Variants in ULK2 observed in about 807,000 individuals in gnomAD.
ULK2 encodes the protein unc-51 like autophagy activating kinase 2, also known as serine/threonine-protein kinase ULK2.
ULK2 carries 76 observed loss-of-function variants against 127.5 expected under a neutral mutation model. The observed-to-expected ratio is 0.60, with a 90% CI of 0.50 to 0.72. ULK2 has a LOEUF of 0.72. Ranked by LOEUF, ULK2 falls within the 30% of genes least tolerant of loss-of-function variation. The pLI is 0.00. For synonymous variants in ULK2, 452 were observed against 461.9 expected (o/e 0.98, Z 0.28); for missense variants, 1,144 against 1,295.9 (o/e 0.88, Z 1.80).
chr17:19,839,964 TACACAC>T (rs60058833), intron 9 of ULK2, among the ~76,000 whole-genome samples: 19 of 147,592 alleles, frequency 1.3e-4, no homozygotes, highest in South Asian at 4.3e-4. Context: ...TACACACACA[TACACAC>T]ACACACACAC....
chr17:19,780,644 A>G lies in ULK2; in HGVS notation c.2759-15T>C. The G allele has an allele frequency of 6.3e-7, 1 of 1,593,522 alleles. No individual in the cohort carries two copies. Among genetic ancestry groups the G allele is most frequent in the Non-Finnish European group, 8.5e-7 (1 of 1,169,708 alleles). On this transcript the variant is annotated splice_polypyrimidine_tract_variant and intron_variant, in intron 24 of 26. Coordinates refer to ENST00000395544, the MANE Select transcript of ULK2 (RefSeq NM_014683.4). ...ATTCTTGACAACTGAAAAAAAATTG[A>G]GATGGGAACTAATTTTAATTTTCCT...
chr17:19,855,524 C>T (rs1008471873), intron 3 of ULK2, among the ~76,000 whole-genome samples: 1 of 147,906 alleles, frequency 6.8e-6, no homozygotes, highest in African/African-American at 2.5e-5. Context: ...CACTTGAATC[C>T]GAGAGGCGGA....
chr17:19,796,298 T>C lies in ULK2; in HGVS notation c.1810-16A>G, dbSNP rs759599575. 4.5e-6 allele frequency: 7 copies of C among 1,542,034 alleles called. No homozygotes were observed. The African/African-American group carries it at 5.6e-5, about 12-fold the overall frequency. Reference sequence around the variant, plus strand: ...GAGCTGTGGTCTAAAGAGACATATATATATATATATATGTAAACTAGTTAA... The same window carrying C: ...GAGCTGTGGTCTAAAGAGACATATACATATATATATATGTAAACTAGTTAA... On this transcript the variant is annotated splice_polypyrimidine_tract_variant and intron_variant, in intron 18 of 26. Coordinates refer to ENST00000395544, the MANE Select transcript of ULK2 (RefSeq NM_014683.4).
chr17:19,833,133 A>G (rs1204016801), intron 10 of ULK2, among the ~76,000 whole-genome samples: 2 of 6,468 alleles, frequency 3.1e-4, no homozygotes, highest in Non-Finnish European at 0.011. Flanking sequence ...AAAGGAAAAA[A>G]AAAAAAAAAA....
At chr17:19,854,026 C>T (rs1212610311) in intron 3 of ULK2, among the ~76,000 whole-genome samples, 3 of 152,090 alleles carry the variant, frequency 2.0e-5, no homozygotes, top group Admixed American at 2.0e-4. Flanking sequence ...TGGCCAGGCA[C>T]AGTGGCTCAC....
chr17:19,860,108 G>GA (rs1488446063), intron 3 of ULK2, among the ~76,000 whole-genome samples: 31 of 144,294 alleles, frequency 2.1e-4, no homozygotes, highest in Non-Finnish European at 3.4e-4. Context: ...CTCTCAAAAT[G>GA]AAAAGCTTTA....
chr17:19,839,964 TACACACACAC>T (rs60058833), intron 9 of ULK2, among the ~76,000 whole-genome samples: 2 of 147,592 alleles, frequency 1.4e-5, no homozygotes, highest in African/African-American at 2.5e-5. Context: ...TACACACACA[TACACACACAC>T]ACACACACAC....
At chr17:19,838,630 C>A (rs1222520705) in intron 9 of ULK2, 47 bp from the exon 10 acceptor site, 1 of 1,502,462 alleles carries the variant, frequency 6.7e-7, no homozygotes, top group Non-Finnish European at 9.1e-7. Flanking sequence ...AGTTTATATA[C>A]ATAAACATTA....
Position 19,867,630 on chromosome 17 carries a change from CCCTGCCGCTCATGGCCCGG to C in ULK2, c.-232_-214del. On this transcript the variant is annotated 5_prime_UTR_variant, in exon 1 of 27. An upstream start codon of the reference 5' UTR is lost. Transcript: ENST00000395544. ...CAGGGTCAGCGAGGCCCGGCCCGGC[CCCTGCCGCTCATGGCCCGG>C]CCTGCCGCCGGCCGCTGGCTGTCTG... The C allele has an allele frequency of 3.7e-6, 1 of 268,292 alleles. No homozygotes were observed. Among genetic ancestry groups the C allele is most frequent in the Admixed American group, 5.4e-5 (1 of 18,404 alleles). The allele number at this position is 268,292 out of a possible 1,614,324, so 16.6% of individuals were successfully genotyped here. A position where few individuals can be genotyped will look rare whatever the true frequency, so the allele number is the denominator to read the frequency against.
intron 10 of ULK2, among the ~76,000 whole-genome samples, chr17:19,833,874 G>C (rs2041526173): frequency 6.6e-6 from 1 of 152,150 alleles, no homozygotes; most frequent in Admixed American, 6.5e-5. Context: ...AGAAGAGAAA[G>C]AGAAAGGGAC....
chr17:19,786,653 G>A (rs1343277833), intron 20 of ULK2, among the ~76,000 whole-genome samples: 2 of 151,038 alleles, frequency 1.3e-5, no homozygotes, highest in Non-Finnish European at 2.9e-5. Flanking sequence ...GGCAGAGGTT[G>A]CAGTGAGCTG....
In ULK2 at chr17:19,797,682, C is replaced by A. The variant is rs765786471; in HGVS notation, c.1523G>T (p.Gly508Val). The A allele has an allele frequency of 3.4e-6, 5 of 1,489,072 alleles. No homozygotes were observed. The South Asian group carries it at 6.9e-5, about 21-fold the overall frequency. 92.2% of individuals were successfully genotyped at this position (1,489,072 alleles called of 1,614,324 possible). ...GGACTGAGCTTGTGGCACTGGAGAA[C>A]CTAACAAGAAAACAAATGTAACATT... ...GHDSRSRNSS[G>V]SPVPQAQSPQ... is the part of the protein sequence containing the mutation. The change falls in exon 18 of 27, where the codon GGT becomes GTT. Residue 508 changes from glycine to valine, a missense_variant and splice_region_variant. Coordinates refer to ENST00000395544, the MANE Select transcript of ULK2 (RefSeq NM_014683.4).
In ULK2 at chr17:19,784,513, C is replaced by CTTTTTT. The variant is rs563736244; in HGVS notation, c.2252-614_2252-609dup. On this transcript the variant is annotated intron_variant, in intron 21 of 26. Coordinates refer to ENST00000395544, the MANE Select transcript of ULK2 (RefSeq NM_014683.4). The stretch of plus-strand genomic sequence containing the variant: ...AACCTCAATAACACTGGACATGATA[C>CTTTTTT]TTTTTTTTTTTTTTTTTTTTTTTTT... Among the ~76,000 whole-genome samples the CTTTTTT allele has an allele frequency of 6.7e-5, 3 of 45,060 alleles. 1 individual carries two copies. The highest frequency in any genetic ancestry group is 1.1e-4 in the Non-Finnish European group (3 of 27,112). The allele number at this position is 45,060 out of a possible 152,430, so 29.6% of individuals were successfully genotyped here.
chr17:19,813,647 C>A (rs1253948220), intron 13 of ULK2, among the ~76,000 whole-genome samples: 1 of 152,076 alleles, frequency 6.6e-6, no homozygotes, highest in Non-Finnish European at 1.5e-5. Context: ...TGAGAACTGA[C>A]CCCTAGGATT....
chr17:19,830,533 C>G (rs1243140130), intron 10 of ULK2, among the ~76,000 whole-genome samples: 1 of 150,392 alleles, frequency 6.6e-6, no homozygotes, highest in Non-Finnish European at 1.5e-5. Context: ...ATCACGGTGA[C>G]TGATTATCTT....
At chr17:19,850,240 T>C (rs1448687271) in intron 3 of ULK2, among the ~76,000 whole-genome samples, 2 of 152,224 alleles carry the variant, frequency 1.3e-5, no homozygotes, top group Admixed American at 6.5e-5. Context: ...TCAGGACGCC[T>C]GGTTTTTTGT....
intron 15 of ULK2, 125 bp downstream of exon 15, chr17:19,804,568 G>T: frequency 1.0e-6 from 1 of 966,854 alleles, no homozygotes; most frequent in Non-Finnish European, 1.4e-6. Context: ...ATTCAATTTT[G>T]TGCGTTCCCA....
At chr17:19,784,565 G>A (rs907034415) in intron 21 of ULK2, among the ~76,000 whole-genome samples, 21 of 120,410 alleles carry the variant, frequency 1.7e-4, no homozygotes, top group Non-Finnish European at 2.9e-4. Context: ...TTGCTGTTGC[G>A]CAGGCTGAAT....
chr17:19,786,408 T>TG (rs1435483561), intron 20 of ULK2, among the ~76,000 whole-genome samples: 2 of 152,038 alleles, frequency 1.3e-5, no homozygotes, highest in Non-Finnish European at 1.5e-5. Flanking sequence ...CGCCAAGAAC[T>TG]GGGAATAAAA....
Sources: allele counts gnomAD v4.1 joint callset (sites outside exome capture counted in the v4.1 genomes callset), GRCh38; gene constraint gnomAD v4.1.1; transcripts MANE v1.5; gene names NCBI Gene and HGNC (gene_info 2026-07-23, HGNC 2026-07-21).